Variants in SLC9C2 observed in about 807,000 individuals in gnomAD.
SLC9C2 encodes solute carrier family 9 member C2 (putative).
SLC9C2 carries 75 observed loss-of-function variants against 140.2 expected under a neutral mutation model. That is an observed-to-expected ratio of 0.53 (90% CI 0.44 to 0.65). SLC9C2 has a LOEUF of 0.65. SLC9C2 is among the 30% of genes least tolerant of loss of function. The pLI is 0.00. For synonymous variants in SLC9C2, 375 were observed against 420.9 expected (o/e 0.89, Z 1.34); for missense variants, 1,074 against 1,331.8 (o/e 0.81, Z 3.01).
At chr1:173,557,617 A>G in intron 9 of SLC9C2, 109 bp from the exon 10 acceptor site, 1 of 1,052,090 alleles carries the variant, frequency 9.5e-7, no homozygotes, top group Non-Finnish European at 1.4e-6. Context: ...TTCGGGAAAG[A>G]AAAAAACAAT....
chr1:173,539,593 G>A (rs931730896), intron 13 of SLC9C2, among the ~76,000 whole-genome samples: 41 of 152,164 alleles, frequency 2.7e-4, no homozygotes, highest in African/African-American at 9.6e-4. Context: ...GAAAGGTATG[G>A]AAGGAAGATT....
chr1:173,518,284 C>A (rs1406265896), intron 22 of SLC9C2, among the ~76,000 whole-genome samples: 2 of 150,006 alleles, frequency 1.3e-5, no homozygotes, highest in Non-Finnish European at 3.0e-5. Flanking sequence ...AAAAAACCCA[C>A]CAAAACTGGA....
chr1:173,516,371 T>A (rs1421100343), intron 23 of SLC9C2, among the ~76,000 whole-genome samples: 1 of 152,226 alleles, frequency 6.6e-6, no homozygotes, highest in Non-Finnish European at 1.5e-5. Context: ...ATAGGTAAAC[T>A]TGTGTCATGA....
chr1:173,523,308 G>C (rs1447190330), intron 21 of SLC9C2, among the ~76,000 whole-genome samples: 1 of 151,632 alleles, frequency 6.6e-6, no homozygotes, highest in African/African-American at 2.4e-5. Flanking sequence ...GGAGGCGGAG[G>C]TTGCAGTGAG....
intron 9 of SLC9C2, among the ~76,000 whole-genome samples, chr1:173,569,980 A>C (rs1370821534): frequency 3.3e-5 from 5 of 151,716 alleles, no homozygotes; most frequent in Non-Finnish European, 7.4e-5. Context: ...CCACACCACC[A>C]CCCATGTTCA....
rs930172450 is a variant in SLC9C2 at position 173,547,043 on chromosome 1, G to A, written c.1557+646C>T. ...ATTCTATCTACTTTTGCATATGTTA[G>A]GAATTCTTAATATTGACAATAAGTT... On this transcript the variant is annotated intron_variant, in intron 13 of 27. Coordinates refer to ENST00000367714, the MANE Select transcript of SLC9C2 (RefSeq NM_178527.4). 7.2e-5 allele frequency among the ~76,000 whole-genome samples: 11 copies of A among 151,942 alleles called. No individual in the cohort carries two copies. The East Asian group carries it at 2.1e-3, about 29-fold the overall frequency.
chr1:173,590,841 G>A (rs916404347), intron 4 of SLC9C2, among the ~76,000 whole-genome samples: 1 of 152,016 alleles, frequency 6.6e-6, no homozygotes, highest in Admixed American at 6.6e-5. Context: ...TACTCAGAAA[G>A]GCACACAATT....
At chr1:173,561,889 C>A (rs1017351977) in intron 9 of SLC9C2, among the ~76,000 whole-genome samples, 37 of 145,840 alleles carry the variant, frequency 2.5e-4, no homozygotes, top group East Asian at 4.9e-4. Context: ...ACACACACCC[C>A]CAACTGTAAC....
chr1:173,565,849 G>A (rs1027676857), intron 9 of SLC9C2, among the ~76,000 whole-genome samples: 2 of 152,052 alleles, frequency 1.3e-5, no homozygotes, highest in Admixed American at 6.6e-5. Context: ...AACGTGGAAT[G>A]TCTTTTTTTT....
intron 9 of SLC9C2, among the ~76,000 whole-genome samples, chr1:173,558,316 C>G (rs1359751072): frequency 6.6e-6 from 1 of 152,168 alleles, no homozygotes; most frequent in African/African-American, 2.4e-5. Context: ...TGCATTCAAG[C>G]CTTTTGCAAC....
At chr1:173,529,044 G>A (rs774997045) in intron 18 of SLC9C2, among the ~76,000 whole-genome samples, 6 of 152,060 alleles carry the variant, frequency 3.9e-5, no homozygotes, top group Non-Finnish European at 7.4e-5. Flanking sequence ...TTATGAAAAG[G>A]AAGCAACCAC....
chr1:173,505,387 C>CTGCTT, intron 25 of SLC9C2, 56 bp from the exon 26 acceptor site: 1 of 1,333,086 alleles, frequency 7.5e-7, no homozygotes, highest in Non-Finnish European at 1.1e-6. Flanking sequence ...TCTAACCTGG[C>CTGCTT]TGCTTCCTAA....
At chr1:173,588,014 G>C (rs1665955035) in intron 4 of SLC9C2, among the ~76,000 whole-genome samples, 184 bp from the exon 5 acceptor site, 2 of 152,092 alleles carry the variant, frequency 1.3e-5, no homozygotes, top group African/African-American at 4.8e-5. Context: ...AAATAAGCAA[G>C]ATTCTACCTT....
At chr1:173,565,478 T>C (rs1056555849) in intron 9 of SLC9C2, among the ~76,000 whole-genome samples, 1 of 152,226 alleles carries the variant, frequency 6.6e-6, no homozygotes, top group Non-Finnish European at 1.5e-5. Flanking sequence ...CTTTCTCCAA[T>C]ATACGTTCTT....
chr1:173,533,853 G>A, intron 16 of SLC9C2, 56 bp from the exon 17 acceptor site: 1 of 1,478,856 alleles, frequency 6.8e-7, no homozygotes, highest in African/African-American at 1.4e-5. Context: ...TTGGGGGGAA[G>A]AAATCTATAA....
chr1:173,525,723 G>A (rs1425290561), intron 19 of SLC9C2, among the ~76,000 whole-genome samples: 2 of 152,188 alleles, frequency 1.3e-5, no homozygotes, highest in African/African-American at 4.8e-5. Context: ...GTAACCACAT[G>A]GAAACAAGCA....
intron 21 of SLC9C2, 131 bp downstream of exon 21, chr1:173,523,837 TG>T: frequency 8.2e-7 from 1 of 1,216,116 alleles, no homozygotes; most frequent in Non-Finnish European, 1.1e-6. Context: ...TAGGCTTTCC[TG>T]GGCCTCCATT....
chr1:173,508,036 T>C (rs966764388), intron 24 of SLC9C2, among the ~76,000 whole-genome samples: 2 of 152,102 alleles, frequency 1.3e-5, no homozygotes, highest in Non-Finnish European at 2.9e-5. Flanking sequence ...CACAGCTACA[T>C]GAGCCAGTCC....
At chr1:173,520,926 GTC>G (rs947724268) in intron 22 of SLC9C2, among the ~76,000 whole-genome samples, 5 of 151,796 alleles carry the variant, frequency 3.3e-5, no homozygotes, top group Non-Finnish European at 7.4e-5. Flanking sequence ...CTCTCTCTCT[GTC>G]TCTCTCTCTG....
Sources: gnomAD v4.1 joint callset for allele counts (sites outside exome capture counted in the v4.1 genomes callset) on GRCh38, gnomAD v4.1.1 for gene constraint, MANE v1.5 for transcripts, NCBI Gene and HGNC (gene_info 2026-07-23, HGNC 2026-07-21) for gene names.